The following VSNL1 variants were observed in gnomAD, a reference collection of about 807,000 sequenced individuals.
The protein encoded by VSNL1 is visinin like 1.
VSNL1 carries 6 observed loss-of-function variants against 20.4 expected under a neutral mutation model. The observed-to-expected ratio is 0.29, with a 90% CI of 0.16 to 0.58. The LOEUF is 0.58. VSNL1 is among the 20% of genes least tolerant of loss of function. VSNL1 has a pLI of 0.90. For synonymous variants in VSNL1, 93 were observed against 86.4 expected (o/e 1.08, Z -0.42); for missense variants, 100 against 234.5 (o/e 0.43, Z 3.75).
intron 1 of VSNL1, among the ~76,000 whole-genome samples, chr2:17,579,800 G>T (rs1174964800): frequency 6.6e-6 from 1 of 152,136 alleles, no homozygotes; most frequent in African/African-American, 2.4e-5. Context: ...GGTGCTTTCA[G>T]TTAGAGCCAC....
At chr2:17,543,586 C>A (rs1410072396) in intron 1 of VSNL1, among the ~76,000 whole-genome samples, 1 of 152,100 alleles carries the variant, frequency 6.6e-6, no homozygotes, top group Non-Finnish European at 1.5e-5. Flanking sequence ...AAGCCACCTG[C>A]GGAGAAGGGA....
intron 1 of VSNL1, among the ~76,000 whole-genome samples, chr2:17,580,462 C>A (rs763902863): frequency 6.6e-6 from 1 of 152,208 alleles, no homozygotes; most frequent in Non-Finnish European, 1.5e-5. Flanking sequence ...CTCCCAAAGG[C>A]CTGTGTGAGT....
intron 2 of VSNL1, among the ~76,000 whole-genome samples, chr2:17,625,932 A>C (rs778161283): frequency 4.1e-5 from 6 of 148,038 alleles, no homozygotes; most frequent in Non-Finnish European, 8.9e-5. Context: ...CCTCCTAAGC[A>C]AGTCGTTGGG....
intron 1 of VSNL1, among the ~76,000 whole-genome samples, chr2:17,550,041 A>G (rs1215203083): frequency 6.6e-6 from 1 of 152,236 alleles, no homozygotes; most frequent in Admixed American, 6.5e-5. Context: ...GAGAATAACT[A>G]TGATATTACC....
intron 2 of VSNL1, among the ~76,000 whole-genome samples, chr2:17,605,029 A>G (rs534425704): frequency 6.6e-6 from 1 of 152,144 alleles, no homozygotes; most frequent in Admixed American, 6.5e-5. Flanking sequence ...CAGGGTTTGA[A>G]TCCAGGTTCT....
intron 2 of VSNL1, among the ~76,000 whole-genome samples, chr2:17,616,977 T>TG (rs1406512663): frequency 6.6e-6 from 1 of 151,252 alleles, no homozygotes; most frequent in Non-Finnish European, 1.5e-5. Flanking sequence ...ACTCGTCCCT[T>TG]GGGGGGTTGG....
At chr2:17,568,054 G>A (rs1046806414) in intron 1 of VSNL1, among the ~76,000 whole-genome samples, 5 of 151,946 alleles carry the variant, frequency 3.3e-5, no homozygotes, top group African/African-American at 7.3e-5. Flanking sequence ...CTGAGATGAC[G>A]AATGTATTTA....
At chr2:17,645,711 C>G (rs1486942168) in intron 2 of VSNL1, among the ~76,000 whole-genome samples, 1 of 152,078 alleles carries the variant, frequency 6.6e-6, no homozygotes, top group Non-Finnish European at 1.5e-5. Context: ...AAGCTCCTGC[C>G]CTGGCCAGGA....
chr2:17,566,344 T>A (rs1331253075), intron 1 of VSNL1, among the ~76,000 whole-genome samples: 1 of 152,204 alleles, frequency 6.6e-6, no homozygotes, highest in Non-Finnish European at 1.5e-5. Flanking sequence ...ACAGAAAATA[T>A]ACCAATTTAT....
At chr2:17,582,431 T>C (rs74317653) in intron 1 of VSNL1, among the ~76,000 whole-genome samples, 5,026 of 152,120 alleles carry the variant, frequency 0.033, 89 homozygotes, top group East Asian at 0.098. Context: ...TTCAGGAGGG[T>C]AAGACTTTAG....
chr2:17,572,407 G>A (rs910612405), intron 1 of VSNL1, among the ~76,000 whole-genome samples: 2 of 152,012 alleles, frequency 1.3e-5, no homozygotes, highest in Non-Finnish European at 2.9e-5. Context: ...AACATCCAGG[G>A]CAGAGGTTTT....
In VSNL1 at chr2:17,655,644, C is replaced by T; in HGVS notation, c.*250C>T. 2.5e-6 allele frequency: 1 copy of T among 392,664 alleles called. No individual in the cohort carries two copies. The highest frequency in any genetic ancestry group is 4.1e-5 in the East Asian group (1 of 24,190). 24.3% of individuals were successfully genotyped at this position (392,664 alleles called of 1,614,324 possible). On this transcript the variant is annotated 3_prime_UTR_variant, in exon 4 of 4. Transcript: ENST00000295156. The surrounding 1 kb of genome is among the most constrained non-coding windows in gnomAD (Gnocchi z 5.2). ...TGCCACAATGTGATATGTGTAATAT[C>T]ATTTCATAAAAATCCCTCTTCCTCC...
chr2:17,628,727 T>A (rs1472088016), intron 2 of VSNL1, among the ~76,000 whole-genome samples: 1 of 152,176 alleles, frequency 6.6e-6, no homozygotes, highest in Non-Finnish European at 1.5e-5. Context: ...TACATGTAAG[T>A]CCTTGAGTTT....
chr2:17,622,472 T>G (rs1344947573), intron 2 of VSNL1, among the ~76,000 whole-genome samples: 1 of 136,132 alleles, frequency 7.3e-6, no homozygotes, highest in African/African-American at 2.8e-5. Flanking sequence ...CACTCCAGCC[T>G]GGGCAACAGA....
At chr2:17,621,453 G>C (rs1017354184) in intron 2 of VSNL1, among the ~76,000 whole-genome samples, 14 of 152,044 alleles carry the variant, frequency 9.2e-5, no homozygotes, top group Admixed American at 4.6e-4. Flanking sequence ...CTCCCGAGTA[G>C]CTGGGTCTAC....
chr2:17,596,516 G>A (rs933334983), intron 2 of VSNL1, among the ~76,000 whole-genome samples: 2 of 152,162 alleles, frequency 1.3e-5, no homozygotes, highest in Admixed American at 6.5e-5. Flanking sequence ...GGGAAGAAGT[G>A]TCTCCATCCC....
At chr2:17,621,374 G>A (rs998176554) in intron 2 of VSNL1, among the ~76,000 whole-genome samples, 12 of 150,536 alleles carry the variant, frequency 8.0e-5, no homozygotes, top group Non-Finnish European at 1.5e-4. Flanking sequence ...CCAGACTAGA[G>A]TGCAATGACA....
At chr2:17,625,998 T>C (rs1665500379) in intron 2 of VSNL1, among the ~76,000 whole-genome samples, 2 of 151,996 alleles carry the variant, frequency 1.3e-5, no homozygotes, top group African/African-American at 4.8e-5. Flanking sequence ...TTTGTATTTT[T>C]AGTAGAGATG....
At chr2:17,565,657 T>G (rs766005710) in intron 1 of VSNL1, among the ~76,000 whole-genome samples, 2 of 152,190 alleles carry the variant, frequency 1.3e-5, no homozygotes, top group Non-Finnish European at 2.9e-5. Context: ...ATATATTCAA[T>G]AAAACTGTGT....
Sources: gnomAD v4.1 joint callset for allele counts (sites outside exome capture counted in the v4.1 genomes callset) on GRCh38, gnomAD v4.1.1 for gene constraint, Gnocchi (gnomAD v3.1) non-coding constraint, MANE v1.5 for transcripts, NCBI Gene and HGNC (gene_info 2026-07-23, HGNC 2026-07-21) for gene names.